The following LIG3 variants were observed in gnomAD, a reference collection of about 807,000 sequenced individuals.
The protein encoded by LIG3 is DNA ligase 3, also known as ligase II, DNA, ATP-dependent.
In LIG3, 58 loss-of-function variants were observed where a neutral mutation model predicts 110.9. The ratio of observed to expected loss-of-function variants is 0.52; its 90% CI spans 0.42 to 0.65. The LOEUF is 0.65. LIG3 is among the 30% of genes least tolerant of loss of function. The pLI, the probability that LIG3 is intolerant of heterozygous loss-of-function variation, is 0.00. For missense variants in LIG3, 1,094 were observed against 1,273.8 expected, an observed-to-expected ratio of 0.86 and a Z score of 2.15; for synonymous variants, 422 against 472.8, an observed-to-expected ratio of 0.89 and a Z score of 1.39.
chr17:34,999,540 C>A, intron 15 of LIG3, 91 bp downstream of exon 15: 1 of 1,476,200 alleles, frequency 6.8e-7, no homozygotes. Context: ...GTATTTCTGT[C>A]TCCCCAGAAA....
chr17:35,004,203 C>A, intron 19 of LIG3, 70 bp from the exon 20 acceptor site: 1 of 1,154,720 alleles, frequency 8.7e-7, no homozygotes, highest in Non-Finnish European at 1.3e-6. Context: ...CTGTCCCGTG[C>A]TCATTTGGGT....
intron 3 of LIG3, 33 bp from the exon 4 acceptor site, chr17:34,989,433 A>G (rs1597793123): frequency 1.3e-6 from 2 of 1,584,618 alleles, no homozygotes; most frequent in Non-Finnish European, 1.7e-6. Context: ...TCAGAAAGGC[A>G]GAATGAATTC....
chr17:35,003,101 C>T (rs892703701), intron 19 of LIG3: 9 of 1,611,444 alleles, frequency 5.6e-6, no homozygotes, highest in Non-Finnish European at 7.6e-6. Context: ...GCTGCTGGCC[C>T]CAAGTCAAAA....
In LIG3 at chr17:35,004,748, T is replaced by C. The variant is rs923068378; in HGVS notation, c.*242T>C. Reference sequence around the variant, plus strand: ...CTGGGTGCTGGGTTTGCCATCTTTTTGTTTTCTTTGAAAAGCAGCTTAGTT... The same window carrying C: ...CTGGGTGCTGGGTTTGCCATCTTTTCGTTTTCTTTGAAAAGCAGCTTAGTT... On this transcript the variant is annotated 3_prime_UTR_variant, in exon 20 of 20. Transcript: ENST00000378526. 2 of 493,446 alleles carry C rather than the reference T, an allele frequency of 4.1e-6. No individual in the cohort carries two copies. Among genetic ancestry groups the C allele is most frequent in the Non-Finnish European group, 7.2e-6 (2 of 278,932 alleles). 30.6% of individuals were successfully genotyped at this position (493,446 alleles called of 1,614,324 possible).
chr17:34,991,915 C>T, intron 6 of LIG3, 43 bp from the exon 7 acceptor site: 2 of 1,613,760 alleles, frequency 1.2e-6, no homozygotes, highest in Non-Finnish European at 1.7e-6. Flanking sequence ...CTTGGGGTTC[C>T]AGAGCTCTTC....
At chr17:34,985,919 G>T in intron 2 of LIG3, 69 bp from the exon 3 acceptor site, 1 of 1,529,222 alleles carries the variant, frequency 6.5e-7, no homozygotes, top group Non-Finnish European at 9.0e-7. Flanking sequence ...GCAGTTGATA[G>T]ATTCTTTGGA....
intron 19 of LIG3, 200 bp from the exon 20 acceptor site, chr17:35,004,073 G>A (rs940322244): frequency 5.2e-6 from 3 of 575,384 alleles, no homozygotes; most frequent in Non-Finnish European, 6.2e-6. Flanking sequence ...TTTCCCCTAG[G>A]CAGGGATGGA....
At chr17:34,987,974 C>T (rs1292437111) in intron 3 of LIG3, among the ~76,000 whole-genome samples, 1 of 151,652 alleles carries the variant, frequency 6.6e-6, no homozygotes, top group Non-Finnish European at 1.5e-5. Flanking sequence ...GCGGGCGGAT[C>T]ACGAGGTCAG....
rs1342654417 is a variant in LIG3 at position 34,992,643 on chromosome 17, G to A, written c.1406G>A (p.Arg469Gln). 5.0e-6 allele frequency: 8 copies of A among 1,612,972 alleles called. No individual in the cohort carries two copies. Among genetic ancestry groups the A allele is most frequent in the African/African-American group, 1.3e-5 (1 of 74,884 alleles). The change falls in exon 8 of 20, where the codon CGA becomes CAA. Residue 469 changes from arginine to glutamine, a missense_variant. Transcript: ENST00000378526. ...QEVEKEPGQR[R>Q]ALSVQASLMT... ...GTGGAGAAGGAGCCGGGCCAGAGAC[G>A]AGCTCTGAGCGTCCAGGCCTCGCTG...
chr17:34,995,046 T>A (rs2090763890), intron 9 of LIG3, among the ~76,000 whole-genome samples: 1 of 152,080 alleles, frequency 6.6e-6, no homozygotes, highest in Non-Finnish European at 1.5e-5. Flanking sequence ...CCTTTGGGAG[T>A]GTCTTCAGGG....
rs926155325 is a variant in LIG3 at position 34,991,243 on chromosome 17, A to G, written c.1041+129A>G. The G allele has an allele frequency of 1.5e-5, 13 of 867,698 alleles. No homozygotes were observed. In the African/African-American group the frequency reaches 1.9e-4, roughly 13 times the overall value. 53.7% of individuals were successfully genotyped at this position (867,698 alleles called of 1,614,324 possible). A position where few individuals can be genotyped will look rare whatever the true frequency, so the allele number is the denominator to read the frequency against. On this transcript the variant is annotated intron_variant, in intron 5 of 19. Transcript: ENST00000378526. ...TTAGGAAACTGAAACCCATTTGAGC[A>G]AGCTTCCGTTATAGGGGGAGCTGAA...
chr17:34,995,783 T>C (rs1050496491), intron 9 of LIG3, among the ~76,000 whole-genome samples: 3 of 152,200 alleles, frequency 2.0e-5, no homozygotes, highest in African/African-American at 7.2e-5. Context: ...GTTTAATCTG[T>C]TTCTTCCATT....
chr17:35,001,792 C>G (rs2090844634), intron 17 of LIG3, 117 bp from the exon 18 acceptor site: 1 of 921,658 alleles, frequency 1.1e-6, no homozygotes, highest in Non-Finnish European at 1.6e-6. Flanking sequence ...TTTCCTTGCT[C>G]TTTATCTTTC....
intron 8 of LIG3, 116 bp downstream of exon 8, chr17:34,992,808 A>G: frequency 9.3e-7 from 1 of 1,072,262 alleles, no homozygotes; most frequent in Non-Finnish European, 1.3e-6. Context: ...GGAGAAGTTT[A>G]GGGAAGGAAG....
At chr17:34,996,945 A>G in intron 11 of LIG3, 1 of 374,540 alleles carries the variant, frequency 2.7e-6, no homozygotes, top group Middle Eastern at 7.6e-4. Flanking sequence ...AAGTTTCTCT[A>G]CTAAAGCAAA....
chr17:35,004,131 T>G (rs1597805476), intron 19 of LIG3, 142 bp from the exon 20 acceptor site: 3 of 626,824 alleles, frequency 4.8e-6, no homozygotes. Flanking sequence ...GGGGTGGGGG[T>G]ATTGATGCAT....
chr17:34,992,117 C>T, intron 7 of LIG3, 82 bp downstream of exon 7: 1 of 1,240,344 alleles, frequency 8.1e-7, no homozygotes, highest in Non-Finnish European at 1.2e-6. Flanking sequence ...CTTTTGAGTC[C>T]CAGTCAGGAT....
At chr17:34,996,526 C>T (rs1290897905) in intron 10 of LIG3, 48 bp from the exon 11 acceptor site, 2 of 1,462,312 alleles carry the variant, frequency 1.4e-6, no homozygotes, top group Non-Finnish European at 1.9e-6. Flanking sequence ...TATTTTTTCA[C>T]ACTGACTTTT....
chr17:35,001,549 A>G (rs1254599428), intron 17 of LIG3, 146 bp downstream of exon 17: 4 of 823,964 alleles, frequency 4.9e-6, no homozygotes, highest in Non-Finnish European at 7.6e-6. Context: ...AGAGAGGGAG[A>G]CAAACTGCTG....
Sources: allele counts gnomAD v4.1 joint callset (sites outside exome capture counted in the v4.1 genomes callset), GRCh38; gene constraint gnomAD v4.1.1; transcripts MANE v1.5; gene names NCBI Gene and HGNC (gene_info 2026-07-23, HGNC 2026-07-21).